The following FCHO2 variants were observed in gnomAD, a reference collection of about 807,000 sequenced individuals.
FCHO2 encodes FCH and mu domain containing endocytic adaptor 2.
FCHO2 carries 43 observed loss-of-function variants against 114.1 expected under a neutral mutation model. That is an observed-to-expected ratio of 0.38 (90% CI 0.30 to 0.49). FCHO2 has a LOEUF of 0.49. FCHO2 is among the 20% of genes least tolerant of loss of function. FCHO2 has a pLI of 0.97. For missense variants in FCHO2, 807 were observed against 950.4 expected (o/e 0.85, Z 1.98); for synonymous variants, 293 against 315.2 (o/e 0.93, Z 0.75).
intron 19 of FCHO2, among the ~76,000 whole-genome samples, chr5:73,073,438 T>C (rs1005551790): frequency 2.0e-5 from 3 of 152,110 alleles, no homozygotes; most frequent in African/African-American, 4.8e-5. Flanking sequence ...TTTTTTGTTT[T>C]GCTTCTGCTT....
chr5:72,966,139 G>T (rs1267154135), intron 1 of FCHO2, among the ~76,000 whole-genome samples: 2 of 152,170 alleles, frequency 1.3e-5, no homozygotes, highest in Non-Finnish European at 2.9e-5. Context: ...CACTTTGGGA[G>T]GCCAAGGTGG....
At chr5:72,956,753 C>T (rs1466835568) in intron 1 of FCHO2, among the ~76,000 whole-genome samples, 2 of 152,162 alleles carry the variant, frequency 1.3e-5, no homozygotes, top group Non-Finnish European at 2.9e-5. Flanking sequence ...AACTGGACTC[C>T]TTGGGCTTAA....
chr5:73,007,521 A>G (rs180779767), intron 6 of FCHO2, among the ~76,000 whole-genome samples: 3 of 152,234 alleles, frequency 2.0e-5, no homozygotes, highest in Non-Finnish European at 4.4e-5. Flanking sequence ...AATATGAAAG[A>G]AGGACTTTGT....
chr5:72,989,125 G>A (rs568998867), intron 2 of FCHO2, among the ~76,000 whole-genome samples: 2 of 152,216 alleles, frequency 1.3e-5, no homozygotes, highest in South Asian at 2.1e-4. Context: ...TGGGAGGATT[G>A]CTTAAGCCTA....
chr5:72,972,857 T>G (rs1257239007), intron 2 of FCHO2, among the ~76,000 whole-genome samples: 5 of 152,200 alleles, frequency 3.3e-5, no homozygotes, highest in African/African-American at 1.2e-4. Flanking sequence ...ATAGCTCTTA[T>G]TATTTTGAAA....
At position 73,089,275 on chromosome 5, in the gene FCHO2, T is replaced by G. The variant is rs1165914541; in HGVS notation, c.*1185T>G. On this transcript the variant is annotated 3_prime_UTR_variant, in exon 26 of 26. Transcript: ENST00000430046. ...TCCTTGATACTTTATCATTGAAAATTTATGCATTTATTTACTGATTGTGTT... is the reference window on the plus strand; with the variant it reads ...TCCTTGATACTTTATCATTGAAAATGTATGCATTTATTTACTGATTGTGTT... 1.3e-5 allele frequency: 2 copies of G among 152,556 alleles called. No homozygotes were observed. The highest frequency in any genetic ancestry group is 4.8e-5 in the African/African-American group (2 of 41,462). The allele number at this position is 152,556 out of a possible 1,614,324, so 9.5% of individuals were successfully genotyped here.
chr5:72,978,787 A>G (rs1291576497), intron 2 of FCHO2, among the ~76,000 whole-genome samples: 1 of 152,158 alleles, frequency 6.6e-6, no homozygotes, highest in Non-Finnish European at 1.5e-5. Context: ...CATTCCACCA[A>G]TACCTAGTTT....
At chr5:73,044,915 T>G (rs1756983311) in intron 11 of FCHO2, among the ~76,000 whole-genome samples, 1 of 152,188 alleles carries the variant, frequency 6.6e-6, no homozygotes, top group Non-Finnish European at 1.5e-5. Flanking sequence ...TGGGCCCTAA[T>G]ATAGAAATCA....
At chr5:72,978,188 A>G (rs1008108116) in intron 2 of FCHO2, among the ~76,000 whole-genome samples, 9 of 152,212 alleles carry the variant, frequency 5.9e-5, no homozygotes, top group African/African-American at 2.2e-4. Context: ...GAATCTATAA[A>G]TTACTTTGGG....
chr5:72,987,450 G>A (rs1434555831), intron 2 of FCHO2, among the ~76,000 whole-genome samples: 1 of 152,120 alleles, frequency 6.6e-6, no homozygotes, highest in African/African-American at 2.4e-5. Context: ...CGATTCTCCT[G>A]CCTCAGCCTT....
At chr5:72,983,228 T>C (rs1027788163) in intron 2 of FCHO2, among the ~76,000 whole-genome samples, 1 of 152,096 alleles carries the variant, frequency 6.6e-6, no homozygotes, top group African/African-American at 2.4e-5. Flanking sequence ...TAAAATACTT[T>C]TAAGTTCCGG....
At chr5:72,965,407 T>C (rs1326542027) in intron 1 of FCHO2, among the ~76,000 whole-genome samples, 1 of 152,214 alleles carries the variant, frequency 6.6e-6, no homozygotes, top group Non-Finnish European at 1.5e-5. Flanking sequence ...TTGCTAATGC[T>C]AACAGGGAAG....
At chr5:72,987,170 C>T (rs1247358798) in intron 2 of FCHO2, among the ~76,000 whole-genome samples, 1 of 151,952 alleles carries the variant, frequency 6.6e-6, no homozygotes, top group African/African-American at 2.4e-5. Context: ...GCCACCGTGC[C>T]CGGCCTATTT....
At chr5:73,018,849 CA>C (rs1337935125) in intron 8 of FCHO2, among the ~76,000 whole-genome samples, 2 of 152,110 alleles carry the variant, frequency 1.3e-5, no homozygotes, top group African/African-American at 4.8e-5. Flanking sequence ...TTTTTTTTAG[CA>C]ATCCCCTTCC....
At chr5:72,979,682 C>T (rs890227440) in intron 2 of FCHO2, among the ~76,000 whole-genome samples, 4 of 151,968 alleles carry the variant, frequency 2.6e-5, no homozygotes, top group Non-Finnish European at 5.9e-5. Context: ...TGAGCCACCG[C>T]GCCCGGCCGA....
intron 6 of FCHO2, 52 bp downstream of exon 6, chr5:73,006,601 A>G: frequency 1.6e-6 from 2 of 1,215,952 alleles, no homozygotes; most frequent in Non-Finnish European, 2.2e-6. Context: ...ATTTGTGTAT[A>G]TTGATTAATT....
At chr5:73,068,861 C>CTAA in intron 19 of FCHO2, 82 bp downstream of exon 19, 1 of 1,404,684 alleles carries the variant, frequency 7.1e-7, no homozygotes, top group Admixed American at 2.5e-5. Context: ...TTTAAATGGG[C>CTAA]TAATGAAGAA....
intron 1 of FCHO2, among the ~76,000 whole-genome samples, chr5:72,965,783 T>C (rs1332302425): frequency 6.6e-6 from 1 of 152,232 alleles, no homozygotes; most frequent in Non-Finnish European, 1.5e-5. Flanking sequence ...ATGAATGTTA[T>C]ATTGTGCATT....
At chr5:73,023,234 A>G (rs867926647) in intron 8 of FCHO2, among the ~76,000 whole-genome samples, 11 of 152,252 alleles carry the variant, frequency 7.2e-5, no homozygotes, top group African/African-American at 2.7e-4. Flanking sequence ...AATAGGTTGT[A>G]TATGTATTTC....
Sources: allele counts gnomAD v4.1 joint callset (sites outside exome capture counted in the v4.1 genomes callset), GRCh38; gene constraint gnomAD v4.1.1; transcripts MANE v1.5; gene names NCBI Gene and HGNC (gene_info 2026-07-23, HGNC 2026-07-21).